Variants in PKIB observed in about 807,000 individuals in gnomAD.
The protein encoded by PKIB is PKI-beta.
In PKIB, 2 loss-of-function variants were observed where a neutral mutation model predicts 4.5. The observed-to-expected ratio is 0.44, with a 90% CI of 0.18 to 1.39. The LOEUF (loss-of-function observed/expected upper bound fraction) is 1.39. PKIB is among the 40% of genes most tolerant of loss of function. The pLI is 0.27. For synonymous variants in PKIB, 38 were observed against 36.0 expected, an observed-to-expected ratio of 1.06 and a Z score of -0.20; for missense variants, 94 against 92.6, an observed-to-expected ratio of 1.02 and a Z score of -0.06.
intron 2 of PKIB, among the ~76,000 whole-genome samples, chr6:122,525,266 C>T (rs2114607849): frequency 6.6e-6 from 1 of 151,988 alleles, no homozygotes; most frequent in Admixed American, 6.6e-5. Context: ...TTTTAGTTTA[C>T]CTTGTGCTTT....
At chr6:122,683,115 C>T (rs562983441) in intron 3 of PKIB, among the ~76,000 whole-genome samples, 22 of 152,268 alleles carry the variant, frequency 1.4e-4, no homozygotes, top group Middle Eastern at 3.4e-3. Context: ...AATCAGTACA[C>T]ATTATGATTA....
At chr6:122,688,890 C>T (rs1409679913) in intron 3 of PKIB, among the ~76,000 whole-genome samples, 10 of 151,758 alleles carry the variant, frequency 6.6e-5, no homozygotes, top group Non-Finnish European at 1.5e-4. Context: ...ACGCCATTCT[C>T]CTGCCTCAGC....
intron 2 of PKIB, among the ~76,000 whole-genome samples, chr6:122,492,387 G>A (rs1458504962): frequency 1.3e-5 from 2 of 152,018 alleles, no homozygotes; most frequent in Non-Finnish European, 2.9e-5. Flanking sequence ...TTAGATCTAC[G>A]ACCTATGGTT....
At chr6:122,675,424 C>T (rs964677764) in intron 3 of PKIB, among the ~76,000 whole-genome samples, 7 of 152,036 alleles carry the variant, frequency 4.6e-5, no homozygotes, top group African/African-American at 1.4e-4. Context: ...TTTTCATTAT[C>T]GTTTTTCCTT....
At chr6:122,546,349 A>G (rs1049650144) in intron 2 of PKIB, among the ~76,000 whole-genome samples, 1 of 151,294 alleles carries the variant, frequency 6.6e-6, no homozygotes, top group Non-Finnish European at 1.5e-5. Flanking sequence ...CTACCCTTCT[A>G]TTCTCAAAAT....
intron 2 of PKIB, among the ~76,000 whole-genome samples, chr6:122,658,571 A>G (rs914368699): frequency 7.2e-5 from 11 of 152,034 alleles, no homozygotes; most frequent in Admixed American, 6.6e-4. Context: ...TGTTTTCATA[A>G]TGATGTGATG....
chr6:122,549,361 A>C (rs1261115216), intron 2 of PKIB, among the ~76,000 whole-genome samples: 1 of 152,142 alleles, frequency 6.6e-6, no homozygotes, highest in Non-Finnish European at 1.5e-5. Flanking sequence ...TTCCTCTTAT[A>C]TTTCTTTTAG....
intron 2 of PKIB, among the ~76,000 whole-genome samples, chr6:122,499,118 C>A (rs1776153082): frequency 2.0e-5 from 3 of 152,228 alleles, no homozygotes; most frequent in African/African-American, 7.2e-5. Flanking sequence ...GATTCACAGC[C>A]TAATTCTACC....
intron 2 of PKIB, among the ~76,000 whole-genome samples, chr6:122,583,650 C>A (rs1416216506): frequency 6.6e-6 from 1 of 152,076 alleles, no homozygotes. Context: ...TCTAGTCTGT[C>A]TTTTCAGTTA....
At chr6:122,481,077 C>T (rs772410380) in intron 2 of PKIB, 5 of 152,114 alleles carry the variant, frequency 3.3e-5, no homozygotes, top group Non-Finnish European at 7.4e-5. Flanking sequence ...AAAAAGAAAG[C>T]TTTTCAGTGG....
At chr6:122,576,685 A>T (rs377102053) in intron 2 of PKIB, among the ~76,000 whole-genome samples, 3 of 36,290 alleles carry the variant, frequency 8.3e-5, no homozygotes, top group African/African-American at 1.2e-4. Context: ...AAAAAAAAAA[A>T]AAAAATATAT....
chr6:122,562,001 T>G (rs1254877116), intron 2 of PKIB, among the ~76,000 whole-genome samples: 4 of 131,532 alleles, frequency 3.0e-5, no homozygotes, highest in East Asian at 2.2e-4. Context: ...TTTGTTTTTT[T>G]TTGTTTTTTT....
At chr6:122,512,469 A>T (rs1020161596) in intron 2 of PKIB, among the ~76,000 whole-genome samples, 3 of 152,186 alleles carry the variant, frequency 2.0e-5, no homozygotes, top group African/African-American at 7.2e-5. Context: ...AATACTTGGA[A>T]ATAAATGGAT....
chr6:122,577,354 G>A (rs1027403160), intron 2 of PKIB, among the ~76,000 whole-genome samples: 23 of 152,110 alleles, frequency 1.5e-4, no homozygotes, highest in African/African-American at 4.6e-4. Context: ...GCAATTTATG[G>A]CCCTTGAATT....
chr6:122,667,747 A>C lies in PKIB; in HGVS notation c.-75-7331A>C, dbSNP rs575175671. On this transcript the variant is annotated intron_variant, in intron 2 of 4. Transcript: ENST00000368452. Reference sequence around the variant, plus strand: ...CATTAAGAAGCACTGAATAGTTTACAAAAAAAATGTGAATCTGCTGTTTTG... The same window carrying C: ...CATTAAGAAGCACTGAATAGTTTACCAAAAAAATGTGAATCTGCTGTTTTG... Among the ~76,000 whole-genome samples, 3 of 152,066 alleles carry C rather than the reference A, an allele frequency of 2.0e-5. No individual in the cohort carries two copies. The South Asian group carries it at 6.2e-4, about 32-fold the overall frequency.
chr6:122,640,760 C>T (rs1278193194), intron 2 of PKIB, among the ~76,000 whole-genome samples: 7 of 152,146 alleles, frequency 4.6e-5, no homozygotes, highest in Admixed American at 1.3e-4. Flanking sequence ...GTTAACTCAA[C>T]GAACTGTGGT....
chr6:122,658,116 T>C (rs896369452), intron 2 of PKIB, among the ~76,000 whole-genome samples: 2 of 152,232 alleles, frequency 1.3e-5, no homozygotes, highest in Non-Finnish European at 2.9e-5. Context: ...TAAAATATTA[T>C]GTACTTTTAA....
intron 3 of PKIB, among the ~76,000 whole-genome samples, chr6:122,699,512 C>T (rs1462251616): frequency 3.9e-5 from 6 of 151,946 alleles, no homozygotes. Context: ...TGTGCTGCAC[C>T]ATTTATTTGT....
At chr6:122,567,567 T>G (rs893473226) in intron 2 of PKIB, among the ~76,000 whole-genome samples, 1 of 152,200 alleles carries the variant, frequency 6.6e-6, no homozygotes, top group African/African-American at 2.4e-5. Context: ...ATTAGCTAAT[T>G]TAATAGAAAA....
Sources: allele counts gnomAD v4.1 joint callset (sites outside exome capture counted in the v4.1 genomes callset), GRCh38; gene constraint gnomAD v4.1.1; transcripts MANE v1.5; gene names NCBI Gene and HGNC (gene_info 2026-07-23, HGNC 2026-07-21).